GLIS1: variants seen among roughly 807,000 people sequenced by gnomAD.
GLIS1 encodes zinc finger protein GLIS1.
Under a neutral mutation model 63.8 loss-of-function variants are expected in GLIS1, and 24 were observed. That is an observed-to-expected ratio of 0.38 (90% confidence interval 0.27 to 0.53). GLIS1 has a LOEUF of 0.53. GLIS1 is among the 20% of genes least tolerant of loss of function. The pLI, the probability that GLIS1 is intolerant of heterozygous loss-of-function variation, is 0.85. For synonymous variants in GLIS1, 450 were observed against 482.5 expected (o/e 0.93, Z 0.88); for missense variants, 1,036 against 1,074.1 (o/e 0.96, Z 0.50).
At chr1:53,624,461 G>A (rs1645574701) in intron 2 of GLIS1, among the ~76,000 whole-genome samples, 2 of 152,150 alleles carry the variant, frequency 1.3e-5, no homozygotes, top group Admixed American at 6.5e-5. Context: ...TTTGGGACAG[G>A]CAAAGGCTTC....
intron 2 of GLIS1, among the ~76,000 whole-genome samples, chr1:53,601,427 C>T (rs1645316764): frequency 6.6e-6 from 1 of 152,190 alleles, no homozygotes. Context: ...GTATGGCCAA[C>T]CCTGAGAAAG....
At chr1:53,583,966 CTG>C (rs1212382731) in intron 4 of GLIS1, among the ~76,000 whole-genome samples, 3 of 152,256 alleles carry the variant, frequency 2.0e-5, no homozygotes, top group Non-Finnish European at 2.9e-5. Context: ...TGTGCAGACA[CTG>C]TGCCCCAGCA....
intron 2 of GLIS1, among the ~76,000 whole-genome samples, chr1:53,614,671 AGG>A (rs937652831): frequency 6.6e-6 from 1 of 152,192 alleles, no homozygotes; most frequent in East Asian, 1.9e-4. Flanking sequence ...CTTTGGGATT[AGG>A]GGTGTTAAAA....
chr1:53,607,361 C>T (rs1645381674), intron 2 of GLIS1, among the ~76,000 whole-genome samples: 1 of 152,186 alleles, frequency 6.6e-6, no homozygotes, highest in Admixed American at 6.5e-5. Context: ...GTCTTGACCT[C>T]CTGGCCTCAT....
chr1:53,623,931 C>A (rs1434157662), intron 2 of GLIS1, among the ~76,000 whole-genome samples: 1 of 152,178 alleles, frequency 6.6e-6, no homozygotes, highest in Non-Finnish European at 1.5e-5. Context: ...ATACTATGTT[C>A]ATGGATGAAG....
chr1:53,599,506 T>C (rs941126), intron 3 of GLIS1, among the ~76,000 whole-genome samples: 122,502 of 152,252 alleles, frequency 0.8, 54,074 homozygotes, highest in Non-Finnish European at 0.99. Context: ...ATGTAAGACA[T>C]AAATTCCTTT....
At chr1:53,667,624 A>G (rs1478437017) in intron 2 of GLIS1, among the ~76,000 whole-genome samples, 4 of 152,022 alleles carry the variant, frequency 2.6e-5, no homozygotes, top group Non-Finnish European at 4.4e-5. Context: ...GCTACAATAA[A>G]ACACCTAACA....
intron 4 of GLIS1, among the ~76,000 whole-genome samples, chr1:53,580,270 C>T (rs1645072235): frequency 6.6e-6 from 1 of 152,184 alleles, no homozygotes; most frequent in Non-Finnish European, 1.5e-5. Context: ...GGCTGGAGCC[C>T]CAGGCCGCTG....
intron 2 of GLIS1, among the ~76,000 whole-genome samples, chr1:53,727,271 C>A (rs1386151252): frequency 6.6e-6 from 1 of 152,190 alleles, no homozygotes; most frequent in East Asian, 1.9e-4. Context: ...GTTTACAAAG[C>A]CCAAAATGGT....
intron 4 of GLIS1, among the ~76,000 whole-genome samples, chr1:53,553,981 G>A (rs533897094): frequency 1.8e-4 from 28 of 152,296 alleles, no homozygotes; most frequent in African/African-American, 6.5e-4. Flanking sequence ...CTAAGATGGA[G>A]CAGTGTCAGC....
At chr1:53,623,933 T>C (rs1645570085) in intron 2 of GLIS1, among the ~76,000 whole-genome samples, 1 of 152,246 alleles carries the variant, frequency 6.6e-6, no homozygotes, top group Non-Finnish European at 1.5e-5. Context: ...ACTATGTTCA[T>C]GGATGAAGGA....
At chr1:53,537,765 G>A (rs931693335) in intron 4 of GLIS1, among the ~76,000 whole-genome samples, 8 of 152,122 alleles carry the variant, frequency 5.3e-5, no homozygotes, top group African/African-American at 1.9e-4. Context: ...GGGGGAACAG[G>A]GCATGGCACG....
intron 2 of GLIS1, among the ~76,000 whole-genome samples, chr1:53,629,274 G>A (rs895984382): frequency 6.6e-6 from 1 of 151,912 alleles, no homozygotes; most frequent in Non-Finnish European, 1.5e-5. Flanking sequence ...ATCCCTCAAG[G>A]CCCAGCTCAA....
chr1:53,720,659 G>A lies in GLIS1; in HGVS notation c.259+17147C>T, dbSNP rs540155359. Among the ~76,000 whole-genome samples, 77 of 152,190 alleles carry A rather than the reference G, an allele frequency of 5.1e-4. 2 individuals carry two copies. In the South Asian group the frequency reaches 0.015, roughly 30 times the overall value. On this transcript the variant is annotated intron_variant, in intron 2 of 10. Coordinates refer to ENST00000628545, the MANE Select transcript of GLIS1 (RefSeq NM_001367484.1). ...CTGGAATGTTTCCAACATAAAAGGG[G>A]GTGAATGTTTGGGGTGATAGATGTC... is the stretch of plus-strand genomic sequence containing the variant.
chr1:53,580,813 C>T (rs1327927075), intron 4 of GLIS1, among the ~76,000 whole-genome samples: 1 of 152,184 alleles, frequency 6.6e-6, no homozygotes, highest in African/African-American at 2.4e-5. Flanking sequence ...ATCATTTTTC[C>T]TGCTGCATTC....
intron 2 of GLIS1, among the ~76,000 whole-genome samples, chr1:53,661,621 G>A (rs952368592): frequency 2.6e-5 from 4 of 152,118 alleles, no homozygotes; most frequent in African/African-American, 9.7e-5. Flanking sequence ...CTGATTCGAG[G>A]AGGCCTAGAA....
At position 53,583,545 on chromosome 1, in the gene GLIS1, T is replaced by C. The variant is rs115258368; in HGVS notation, c.1320+10563A>G. 7.7e-3 allele frequency among the ~76,000 whole-genome samples: 1,173 copies of C among 152,314 alleles called. 22 individuals are homozygous for C. The highest frequency in any genetic ancestry group is 0.027 in the African/African-American group (1,137 of 41,566). ...ACCGCCCAGTACCACATTGTCCATC[T>C]GCTGTCTGAGCTTATGTCCCAACAT... On this transcript the variant is annotated intron_variant, in intron 4 of 10. Coordinates refer to ENST00000628545, the MANE Select transcript of GLIS1 (RefSeq NM_001367484.1).
intron 4 of GLIS1, among the ~76,000 whole-genome samples, chr1:53,543,150 A>AT (rs1344363874): frequency 3.3e-5 from 5 of 152,144 alleles, no homozygotes; most frequent in African/African-American, 7.2e-5. Context: ...TTAAAGTTAC[A>AT]TTTTTTTTCT....
chr1:53,719,043 G>A (rs1283106644), intron 2 of GLIS1, among the ~76,000 whole-genome samples: 1 of 152,160 alleles, frequency 6.6e-6, no homozygotes, highest in Non-Finnish European at 1.5e-5. Flanking sequence ...CATCCCGTGG[G>A]ACACTTCCAG....
Sources: allele counts gnomAD v4.1 joint callset (sites outside exome capture counted in the v4.1 genomes callset), GRCh38; gene constraint gnomAD v4.1.1; transcripts MANE v1.5; gene names NCBI Gene and HGNC (gene_info 2026-07-23, HGNC 2026-07-21).